LAMB4: variants seen among roughly 807,000 people sequenced by gnomAD.
LAMB4 encodes the protein laminin subunit beta-4.
LAMB4 carries 196 observed loss-of-function variants against 199.2 expected under a neutral mutation model. The ratio of observed to expected loss-of-function variants is 0.98; its 90% CI spans 0.88 to 1.11. The LOEUF (loss-of-function observed/expected upper bound fraction) is 1.11, where lower values mean the gene tolerates loss of function less well. LAMB4 is among the 50% of genes least tolerant of loss of function. The probability of loss-of-function intolerance (pLI) is 0.00; values close to 1 mark genes in which losing one functional copy is unlikely to be tolerated. For missense variants in LAMB4, 2,080 were observed against 2,171.2 expected (o/e 0.96, Z 0.83); for synonymous variants, 744 against 770.6 (o/e 0.97, Z 0.57).
chr7:108,013,772 G>C, the LAMB4 span, among the ~76,000 whole-genome samples: 25,472 of 152,132 alleles, frequency 0.17, 2,479 homozygotes, highest in East Asian at 0.28. Flanking sequence ...TTACAATGTT[G>C]TTTCCAGCAG....
intron 14 of LAMB4, among the ~76,000 whole-genome samples, chr7:108,088,275 G>T (rs2037261398): frequency 6.6e-6 from 1 of 151,734 alleles, no homozygotes; most frequent in Admixed American, 6.6e-5. Context: ...TGATTCTTGT[G>T]TCTCAGCCTC....
rs114065011 is a variant in LAMB4, at chr7:108,101,981, C to T, written c.1180+1063G>A. On this transcript the variant is annotated intron_variant, in intron 10 of 33. Transcript: ENST00000388781. ...AAGTGTCGGCAAGGAAGCAGAGCCC[C>T]AGGAACTCCCATTTACTATTGGCGT... Among the ~76,000 whole-genome samples, 1,314 of 152,282 alleles carry T rather than the reference C, an allele frequency of 8.6e-3. 14 individuals are homozygous for T. The highest frequency in any genetic ancestry group is 0.03 in the African/African-American group (1,238 of 41,554).
the LAMB4 span, among the ~76,000 whole-genome samples, chr7:108,013,091 T>A: frequency 6.6e-6 from 1 of 152,334 alleles, no homozygotes; most frequent in Admixed American, 6.5e-5. Flanking sequence ...CTAGCACATC[T>A]CAGAGCACAT....
intron 23 of LAMB4, 85 bp from the exon 24 acceptor site, chr7:108,058,013 A>T (rs970243801): frequency 2.2e-6 from 2 of 903,198 alleles, no homozygotes; most frequent in Non-Finnish European, 3.6e-6. Flanking sequence ...TTTCCCCTCC[A>T]GTGAATTAGA....
intron 19 of LAMB4, among the ~76,000 whole-genome samples, chr7:108,066,955 G>T (rs966235655): frequency 6.6e-6 from 1 of 151,088 alleles, no homozygotes; most frequent in Non-Finnish European, 1.5e-5. Flanking sequence ...CTAAAATAAT[G>T]GTATAGTATT....
intron 9 of LAMB4, 83 bp from the exon 10 acceptor site, chr7:108,103,315 G>T: frequency 2.6e-6 from 3 of 1,140,234 alleles, no homozygotes; most frequent in South Asian, 1.7e-5. Context: ...CAGGGCACCC[G>T]CTAGTCCTCC....
chr7:108,018,777 C>T (rs1316781552), downstream of LAMB4, among the ~76,000 whole-genome samples: 1 of 152,182 alleles, frequency 6.6e-6, no homozygotes, highest in Non-Finnish European at 1.5e-5. Context: ...TCTCGCTTTA[C>T]CCCTCAAACC....
At chr7:108,020,452 CAG>C (rs2034666800), downstream of LAMB4, among the ~76,000 whole-genome samples, 1 of 116,412 alleles carries the variant, frequency 8.6e-6, no homozygotes, top group African/African-American at 3.5e-5. Context: ...GCCTAGGTGA[CAG>C]AGCAAGACTC....
chr7:108,122,086 A>C (rs2038619751), intron 2 of LAMB4, among the ~76,000 whole-genome samples: 1 of 152,206 alleles, frequency 6.6e-6, no homozygotes, highest in South Asian at 2.1e-4. Flanking sequence ...TTAGTTTAGA[A>C]GATTGCTTCT....
Position 108,037,408 on chromosome 7 carries a change from CA to C in LAMB4, c.4658del (p.Leu1553TrpfsTer2). ...CTTACTCAGCTGCTTTGGCCTTCAC[CA>C]AAAGCTTTTGGGCTCCATCTGCTTC... ...NEEADGAQKL[L>X]VKAKAAEKAA... On this transcript the variant is annotated frameshift_variant, in exon 30 of 34. Transcript: ENST00000388781. LOFTEE classifies it high-confidence loss of function. 1 of 1,614,048 alleles carries C rather than the reference CA, an allele frequency of 6.2e-7. No homozygotes were observed. The highest frequency in any genetic ancestry group is 8.5e-7 in the Non-Finnish European group (1 of 1,179,950).
intron 14 of LAMB4, among the ~76,000 whole-genome samples, chr7:108,084,629 G>A (rs536957815): frequency 6.6e-6 from 1 of 152,248 alleles, no homozygotes; most frequent in South Asian, 2.1e-4. Flanking sequence ...GGATTTCAGT[G>A]AGACTCAAAG....
At chr7:108,033,000 TC>T (rs1297877495) in intron 31 of LAMB4, among the ~76,000 whole-genome samples, 4 of 152,192 alleles carry the variant, frequency 2.6e-5, no homozygotes, top group Non-Finnish European at 5.9e-5. Flanking sequence ...CATTAAAAAA[TC>T]TAAATATCCA....
chr7:108,049,240 A>T, intron 27 of LAMB4, 86 bp downstream of exon 27: 1 of 444,574 alleles, frequency 2.2e-6, no homozygotes, highest in Non-Finnish European at 3.9e-6. Flanking sequence ...GAAATTTAAA[A>T]TGTAAGCTAG....
At chr7:108,092,637 G>A (rs900229444) in intron 12 of LAMB4, among the ~76,000 whole-genome samples, 2 of 152,314 alleles carry the variant, frequency 1.3e-5, no homozygotes, top group African/African-American at 2.4e-5. Flanking sequence ...TGGGTGCGGT[G>A]GCTCCTGCCT....
rs145651546 is a variant in LAMB4, at chr7:108,116,085, C to T, written c.111G>A (p.Val37=). Residue 37 remains valine (V), a synonymous_variant, in exon 3 of 34, where the codon GTG becomes GTA. Transcript: ENST00000388781. ...AAGCCATAAGCTGCGTGTTCCTGCC[C>T]ACCAGGAGATCACCAGTGGTGGGAT... is the stretch of plus-strand genomic sequence containing the variant. ...ACHPTTGDLL[V]GRNTQLMASS... The T allele has an allele frequency of 1.4e-5, 22 of 1,613,964 alleles. No homozygotes were observed. The highest frequency in any genetic ancestry group is 1.7e-5 in the Non-Finnish European group (20 of 1,179,956).
intron 14 of LAMB4, among the ~76,000 whole-genome samples, chr7:108,080,439 G>A (rs1182783197): frequency 6.6e-6 from 1 of 152,034 alleles, no homozygotes; most frequent in African/African-American, 2.4e-5. Context: ...TGTTACTTTT[G>A]CCTGTGTTGC....
intron 23 of LAMB4, among the ~76,000 whole-genome samples, chr7:108,060,388 C>T (rs374162807): frequency 3.8e-4 from 57 of 151,938 alleles, no homozygotes; most frequent in African/African-American, 1.4e-3. Context: ...GGAGATCTAC[C>T]ACTTTATTCC....
intron 29 of LAMB4, 73 bp from the exon 30 acceptor site, chr7:108,037,668 A>G (rs1209162742): frequency 2.6e-6 from 3 of 1,145,054 alleles, no homozygotes; most frequent in South Asian, 1.3e-5. Context: ...TATAACCACA[A>G]TGATGTCTCA....
intron 2 of LAMB4, among the ~76,000 whole-genome samples, chr7:108,120,854 C>T (rs902946735): frequency 1.7e-4 from 26 of 152,152 alleles, no homozygotes; most frequent in African/African-American, 6.0e-4. Context: ...GTTTTTATAA[C>T]CTGACTTGGC....
Sources: allele counts gnomAD v4.1 joint callset (sites outside exome capture counted in the v4.1 genomes callset), GRCh38; gene constraint gnomAD v4.1.1; transcripts MANE v1.5; gene names NCBI Gene and HGNC (gene_info 2026-07-23, HGNC 2026-07-21).